PTK2B: variants seen among roughly 807,000 people sequenced by gnomAD.
PTK2B encodes the protein protein tyrosine kinase 2 beta, also known as protein-tyrosine kinase 2-beta.
PTK2B carries 71 observed loss-of-function variants against 142.9 expected under a neutral mutation model. The observed-to-expected ratio is 0.50, with a 90% confidence interval of 0.41 to 0.61. The LOEUF is 0.61. Ranked by LOEUF, PTK2B falls within the 20% of genes least tolerant of loss-of-function variation. The pLI, the probability that PTK2B is intolerant of heterozygous loss-of-function variation, is 0.00. For missense variants in PTK2B, 1,105 were observed against 1,320.4 expected (o/e 0.84, Z 2.53); for synonymous variants, 519 against 503.4 (o/e 1.03, Z -0.42).
chr8:27,447,636 A>G (rs1026046729), intron 24 of PTK2B, among the ~76,000 whole-genome samples: 1 of 152,208 alleles, frequency 6.6e-6, no homozygotes, highest in Non-Finnish European at 1.5e-5. Context: ...AGGTGGGTGG[A>G]TCACTTGATG....
At chr8:27,384,816 A>G (rs1037884209) in intron 1 of PTK2B, among the ~76,000 whole-genome samples, 4 of 152,216 alleles carry the variant, frequency 2.6e-5, no homozygotes. Context: ...GCCAACATGC[A>G]TGTAAACAGG....
upstream of PTK2B, chr8:27,311,288 C>CCGCCCGGCTGCCAACGCCCGGCTGCCAA (rs1168585468): frequency 3.5e-6 from 5 of 1,448,632 alleles, no homozygotes; most frequent in African/African-American, 7.2e-5. Context: ...CCCCTCCCAC[C>CCGCCCGGCTGCCAACGCCCGGCTGCCAA]CGCCCGGCTG....
chr8:27,411,676 A>G (rs887393658), intron 2 of PTK2B, among the ~76,000 whole-genome samples: 5 of 152,104 alleles, frequency 3.3e-5, no homozygotes, highest in Admixed American at 6.5e-5. Context: ...TATCTGTGTC[A>G]CTCATGGTCA....
intron 2 of PTK2B, among the ~76,000 whole-genome samples, chr8:27,407,963 T>C (rs1808825533): frequency 1.3e-5 from 2 of 152,208 alleles, no homozygotes; most frequent in Non-Finnish European, 2.9e-5. Context: ...CAACATATAT[T>C]AGTCTGCCAT....
intron 1 of PTK2B, among the ~76,000 whole-genome samples, chr8:27,370,897 C>G (rs113035831): frequency 0.026 from 3,895 of 152,128 alleles, 79 homozygotes; most frequent in South Asian, 0.055. Context: ...TCAAGTTAGT[C>G]TTTTTAGTTT....
intron 2 of PTK2B, among the ~76,000 whole-genome samples, chr8:27,403,750 TGC>T (rs1808520036): frequency 2.0e-5 from 1 of 51,210 alleles, no homozygotes; most frequent in African/African-American, 6.0e-5. Flanking sequence ...CTTTGGCTCT[TGC>T]TGCTGCTGCT....
intron 3 of PTK2B, among the ~76,000 whole-genome samples, chr8:27,315,435 A>T (rs1486986795): frequency 6.6e-6 from 1 of 152,210 alleles, no homozygotes; most frequent in African/African-American, 2.4e-5. Flanking sequence ...ATATCCAAAA[A>T]AGCCACAAGA....
intron 2 of PTK2B, among the ~76,000 whole-genome samples, chr8:27,409,104 A>C (rs1417135885): frequency 6.6e-6 from 1 of 152,120 alleles, no homozygotes; most frequent in African/African-American, 2.4e-5. Flanking sequence ...GACACCAGTC[A>C]TTTTAGATGA....
intron 5 of PTK2B, among the ~76,000 whole-genome samples, chr8:27,429,049 A>G (rs770524314): frequency 1.3e-5 from 2 of 152,076 alleles, no homozygotes; most frequent in Non-Finnish European, 2.9e-5. Flanking sequence ...CCTCCCGAGT[A>G]GTACGTGCCA....
At chr8:27,319,171 C>T (rs1038098323) in intron 3 of PTK2B, among the ~76,000 whole-genome samples, 5 of 151,982 alleles carry the variant, frequency 3.3e-5, no homozygotes, top group Non-Finnish European at 7.4e-5. Context: ...GTTTCAAATG[C>T]ACTCAATATT....
intron 1 of PTK2B, among the ~76,000 whole-genome samples, chr8:27,381,232 A>G (rs920210130): frequency 2.6e-5 from 4 of 152,202 alleles, no homozygotes; most frequent in African/African-American, 9.7e-5. Context: ...AAAATATACA[A>G]TAAATTATTG....
intron 24 of PTK2B, among the ~76,000 whole-genome samples, chr8:27,447,522 A>G (rs1253839219): frequency 6.6e-6 from 1 of 152,204 alleles, no homozygotes; most frequent in Admixed American, 6.5e-5. Flanking sequence ...TTGGGATGGC[A>G]GCAGTCTCTC....
chr8:27,450,620 T>C (rs1811743220), intron 24 of PTK2B, 129 bp from the exon 25 acceptor site: 9 of 1,185,878 alleles, frequency 7.6e-6, no homozygotes, highest in Non-Finnish European at 1.1e-5. Context: ...AAGAACAAAC[T>C]TATGAGAAAA....
At position 27,420,050 on chromosome 8, in the gene PTK2B, T is replaced by C. The variant is rs1257485727; in HGVS notation, c.360T>C (p.Cys120=). 12 of 1,613,954 alleles carry C rather than the reference T, an allele frequency of 7.4e-6. No homozygotes were observed. The highest frequency in any genetic ancestry group is 5.0e-5 in the Admixed American group (3 of 59,998). The change falls in exon 3 of 31, where the codon TGT becomes TGC. Residue 120 remains cysteine, a synonymous_variant. Coordinates refer to ENST00000346049, the MANE Select transcript of PTK2B (RefSeq NM_173176.3). ...TVGEVQDKYE[C]LHVEAEWRYD... Reference sequence around the variant, plus strand: ...GTGAGGTGCAGGACAAGTATGAGTGTCTGCACGTGGAAGCCGAGTGGAGGT... The same window carrying C: ...GTGAGGTGCAGGACAAGTATGAGTGCCTGCACGTGGAAGCCGAGTGGAGGT...
intron 27 of PTK2B, 156 bp from the exon 28 acceptor site, chr8:27,452,958 G>C (rs527594990): frequency 1.4e-4 from 111 of 807,190 alleles, no homozygotes; most frequent in Non-Finnish European, 2.0e-4. Context: ...GGGAGACCAG[G>C]AGGTTCCTTC....
chr8:27,332,821 A>G (rs539844452), intron 1 of PTK2B, among the ~76,000 whole-genome samples: 1 of 152,296 alleles, frequency 6.6e-6, no homozygotes, highest in East Asian at 1.9e-4. Context: ...GGCTCAAGCA[A>G]TTCTGCTTCG....
intron 1 of PTK2B, among the ~76,000 whole-genome samples, chr8:27,341,991 A>T (rs80293075): frequency 0.011 from 1,727 of 152,162 alleles, 14 homozygotes; most frequent in East Asian, 0.036. Context: ...GGGCTTTCAA[A>T]CTGGGCTCCA....
intron 13 of PTK2B, 110 bp from the exon 14 acceptor site, chr8:27,435,633 C>T: frequency 7.4e-7 from 1 of 1,345,198 alleles, no homozygotes; most frequent in Non-Finnish European, 1.1e-6. Flanking sequence ...GGCTTCTCCT[C>T]CTACCCCCTT....
At chr8:27,321,208 C>A (rs1225701391), upstream of PTK2B, among the ~76,000 whole-genome samples, 1 of 151,844 alleles carries the variant, frequency 6.6e-6, no homozygotes, top group Non-Finnish European at 1.5e-5. Flanking sequence ...GTTGGCCAGG[C>A]TGGCCTCGAA....
Sources: gnomAD v4.1 joint callset for allele counts (sites outside exome capture counted in the v4.1 genomes callset) on GRCh38, gnomAD v4.1.1 for gene constraint, MANE v1.5 for transcripts, NCBI Gene and HGNC (gene_info 2026-07-23, HGNC 2026-07-21) for gene names.